CTNNA3: variants seen among roughly 807,000 people sequenced by gnomAD.
CTNNA3 encodes the protein catenin alpha-3.
A neutral mutation model predicts 95.7 loss-of-function variants in CTNNA3; 76 were observed. The ratio of observed to expected loss-of-function variants is 0.79; its 90% CI spans 0.66 to 0.96. The LOEUF is 0.96. Among genes scored for constraint, CTNNA3 ranks in the 40% least tolerant of loss-of-function variants. The probability of loss-of-function intolerance (pLI) is 0.00; values close to 1 mark genes in which losing one functional copy is unlikely to be tolerated. For missense variants in CTNNA3, 1,191 were observed against 1,089.8 expected (o/e 1.09, Z -1.31); for synonymous variants, 431 against 374.4 (o/e 1.15, Z -1.74).
At chr10:67,351,838 T>A (rs1468250172) in intron 5 of CTNNA3, among the ~76,000 whole-genome samples, 1 of 151,948 alleles carries the variant, frequency 6.6e-6, no homozygotes, top group Non-Finnish European at 1.5e-5. Context: ...CCTGGGAAGA[T>A]AACTGCTGGG....
At chr10:67,001,708 G>A (rs1258043705) in intron 7 of CTNNA3, among the ~76,000 whole-genome samples, 1 of 152,070 alleles carries the variant, frequency 6.6e-6, no homozygotes, top group Admixed American at 6.6e-5. Context: ...TTACAAAACT[G>A]TGATTTACAT....
At chr10:66,060,425 A>C (rs761744459) in intron 15 of CTNNA3, among the ~76,000 whole-genome samples, 1 of 152,116 alleles carries the variant, frequency 6.6e-6, no homozygotes, top group Non-Finnish European at 1.5e-5. Flanking sequence ...CACTAAAACT[A>C]TATATGAGTT....
At chr10:65,958,370 T>C (rs575522066) in intron 17 of CTNNA3, among the ~76,000 whole-genome samples, 245 of 152,322 alleles carry the variant, frequency 1.6e-3, no homozygotes, top group African/African-American at 5.8e-3. Context: ...TTACCGATCA[T>C]CTGAAGCCTT....
intron 5 of CTNNA3, among the ~76,000 whole-genome samples, chr10:67,360,009 A>G (rs1032660071): frequency 8.5e-5 from 13 of 152,172 alleles, no homozygotes; most frequent in African/African-American, 2.9e-4. Context: ...ACTTCTCAGT[A>G]GGTTTCTACT....
intron 2 of CTNNA3, among the ~76,000 whole-genome samples, chr10:67,646,098 TG>T (rs1839697662): frequency 6.6e-6 from 1 of 150,670 alleles, no homozygotes; most frequent in Non-Finnish European, 1.5e-5. Context: ...GGTAAAATTA[TG>T]AGTGTTTTTA....
At chr10:66,415,653 C>A (rs4454602) in intron 11 of CTNNA3, among the ~76,000 whole-genome samples, 52,507 of 151,950 alleles carry the variant, frequency 0.35, 9,796 homozygotes, top group African/African-American at 0.48. Context: ...TCCACTTGAC[C>A]TCTGAGTCCC....
chr10:66,531,603 G>A (rs1014202362), intron 10 of CTNNA3, among the ~76,000 whole-genome samples: 1 of 152,002 alleles, frequency 6.6e-6, no homozygotes, highest in African/African-American at 2.4e-5. Context: ...GGATTTAAAA[G>A]AATACTATAC....
At chr10:66,345,357 G>T (rs1054798766) in intron 12 of CTNNA3, among the ~76,000 whole-genome samples, 2 of 152,000 alleles carry the variant, frequency 1.3e-5, no homozygotes, top group African/African-American at 4.8e-5. Context: ...GTTAAACAAA[G>T]GTTTCAAACA....
chr10:65,922,835 A>G (rs1029105016), intron 17 of CTNNA3, among the ~76,000 whole-genome samples: 1 of 152,174 alleles, frequency 6.6e-6, no homozygotes, highest in African/African-American at 2.4e-5. Flanking sequence ...AAGAGGTTTA[A>G]TTGACTCACA....
intron 7 of CTNNA3, chr10:67,097,713 G>A (rs772955856): frequency 6.2e-7 from 1 of 1,612,634 alleles, no homozygotes; most frequent in Non-Finnish European, 8.5e-7. Context: ...AGATACGATG[G>A]AAACACACCT....
intron 17 of CTNNA3, among the ~76,000 whole-genome samples, chr10:65,936,035 G>C (rs1434902655): frequency 6.6e-6 from 1 of 152,090 alleles, no homozygotes; most frequent in Non-Finnish European, 1.5e-5. Context: ...TCAGATACCT[G>C]ATGTATCTTG....
chr10:67,554,066 A>G (rs1321798950), intron 3 of CTNNA3, among the ~76,000 whole-genome samples: 1 of 151,648 alleles, frequency 6.6e-6, no homozygotes, highest in African/African-American at 2.4e-5. Flanking sequence ...AGCTTCATCC[A>G]TGTCCCTACA....
At chr10:66,853,295 A>G (rs769868693) in intron 7 of CTNNA3, among the ~76,000 whole-genome samples, 23 of 152,208 alleles carry the variant, frequency 1.5e-4, no homozygotes, top group South Asian at 1.0e-3. Flanking sequence ...GGCCCGTTAG[A>G]GAAAAAGAAA....
intron 13 of CTNNA3, among the ~76,000 whole-genome samples, chr10:66,138,774 G>A (rs1053344979): frequency 6.6e-6 from 1 of 152,132 alleles, no homozygotes; most frequent in Non-Finnish European, 1.5e-5. Context: ...CAGAAGAATC[G>A]CTTGAACCCA....
chr10:67,691,556 A>T (rs997031597), intron 1 of CTNNA3, among the ~76,000 whole-genome samples: 22 of 148,090 alleles, frequency 1.5e-4, no homozygotes, highest in African/African-American at 5.3e-4. Flanking sequence ...CCCGTCCGGG[A>T]TGTGAGGAGC....
At chr10:66,660,237 AG>A (rs1337769164) in intron 9 of CTNNA3, among the ~76,000 whole-genome samples, 1 of 152,152 alleles carries the variant, frequency 6.6e-6, no homozygotes, top group African/African-American at 2.4e-5. Flanking sequence ...GAATGGAGAA[AG>A]GGGCTTTGCT....
chr10:66,961,276 T>C (rs1849096432), intron 7 of CTNNA3, among the ~76,000 whole-genome samples: 1 of 152,132 alleles, frequency 6.6e-6, no homozygotes, highest in African/African-American at 2.4e-5. Flanking sequence ...TCTTACTCAC[T>C]CCAAAATTTT....
chr10:67,093,952 C>T (rs1311696648), intron 7 of CTNNA3, among the ~76,000 whole-genome samples: 2 of 151,880 alleles, frequency 1.3e-5, no homozygotes, highest in Non-Finnish European at 2.9e-5. Context: ...AAGGCAATAC[C>T]GTGATGTCAG....
At chr10:66,054,451 T>G (rs2080032067) in intron 15 of CTNNA3, among the ~76,000 whole-genome samples, 1 of 152,198 alleles carries the variant, frequency 6.6e-6, no homozygotes. Context: ...CAAGGTAGTT[T>G]TAATTTGCAT....
Sources: gnomAD v4.1 joint callset for allele counts (sites outside exome capture counted in the v4.1 genomes callset) on GRCh38, gnomAD v4.1.1 for gene constraint, MANE v1.5 for transcripts, NCBI Gene and HGNC (gene_info 2026-07-23, HGNC 2026-07-21) for gene names.